CFAP47: variants seen among roughly 807,000 people sequenced by gnomAD.
CFAP47 encodes cilia- and flagella-associated protein 47.
CFAP47 carries 29 observed loss-of-function variants against 148.1 expected under a neutral mutation model. That is an observed-to-expected ratio of 0.20 (90% CI 0.15 to 0.27). CFAP47 has a LOEUF of 0.27. Ranked by LOEUF, CFAP47 falls within the 10% of genes least tolerant of loss-of-function variation. The probability of loss-of-function intolerance (pLI) is 1.00; values close to 1 mark genes in which losing one functional copy is unlikely to be tolerated. For synonymous variants in CFAP47, 664 were observed against 577.3 expected, an observed-to-expected ratio of 1.15 and a Z score of -2.15; for missense variants, 1,872 against 1,697.5, an observed-to-expected ratio of 1.10 and a Z score of -1.81.
Position 36,384,901 on chromosome X carries a change from C to A in CFAP47, c.9459C>A (p.Asp3153Glu). The change falls in exon 64 of 64, where the codon GAC (aspartate) becomes GAA (glutamate). Residue 3153 changes from aspartate (D) to glutamate (E), a missense_variant. Physicochemically the swap from Asp to Glu is conservative, Grantham distance 45. Transcript: ENST00000378653. ...TTGATGCTACTCACAAGACACATGA[C>A]AACATGCCAGTCCGTCCACATAATT... ...AKIDATHKTH[D>E]NMPVRPHNFV... 4 of 1,165,649 alleles carry A rather than the reference C, an allele frequency of 3.4e-6. No individual in the cohort carries two copies.
At chrX:36,177,881 C>T (rs73472852) in intron 39 of CFAP47, among the ~76,000 whole-genome samples, 1,903 of 111,419 alleles carry the variant, frequency 0.017, 48 homozygotes, top group African/African-American at 0.058. Context: ...CACATGCACT[C>T]GTATGTTCAT....
chrX:35,921,083 A>G (rs1251492012), intron 1 of CFAP47, among the ~76,000 whole-genome samples: 2 of 111,760 alleles, frequency 1.8e-5, no homozygotes, highest in African/African-American at 6.5e-5. Flanking sequence ...GTGTGTGTGT[A>G]GATAGATAGC....
intron 33 of CFAP47, among the ~76,000 whole-genome samples, chrX:36,113,097 G>A (rs952513840): frequency 8.9e-6 from 1 of 111,771 alleles, no homozygotes. Context: ...TACATTCAAG[G>A]TTAGTATTGA....
chrX:36,095,970 T>C (rs1194958954), intron 30 of CFAP47, among the ~76,000 whole-genome samples: 1 of 111,365 alleles, frequency 9.0e-6, no homozygotes, highest in Non-Finnish European at 1.9e-5. Flanking sequence ...GATTTTCTTC[T>C]TTTTGAAGTA....
chrX:35,924,202 G>T (rs192181940), intron 1 of CFAP47, among the ~76,000 whole-genome samples: 33 of 102,097 alleles, frequency 3.2e-4, no homozygotes, highest in Middle Eastern at 5.4e-3. Context: ...TGTATATATG[G>T]ACATGTATGT....
At chrX:35,977,413 T>C (rs1449969739) in intron 15 of CFAP47, among the ~76,000 whole-genome samples, 2 of 111,513 alleles carry the variant, frequency 1.8e-5, no homozygotes, top group Non-Finnish European at 3.8e-5. Context: ...ACGAAAATTT[T>C]CTAAATCTGT....
At chrX:36,371,946 G>A (rs185693001) in intron 62 of CFAP47, among the ~76,000 whole-genome samples, 13 of 90,833 alleles carry the variant, frequency 1.4e-4, no homozygotes, top group Non-Finnish European at 2.3e-4. Context: ...ATGTGTATAT[G>A]TGTGTGTATA....
At chrX:36,055,127 A>G (rs1307279859) in intron 26 of CFAP47, among the ~76,000 whole-genome samples, 1 of 108,813 alleles carries the variant, frequency 9.2e-6, no homozygotes, top group African/African-American at 3.3e-5. Context: ...ATTTAACACC[A>G]TGTAGACATG....
At chrX:36,313,332 C>T (rs967967212) in intron 56 of CFAP47, among the ~76,000 whole-genome samples, 31 of 110,138 alleles carry the variant, frequency 2.8e-4, no homozygotes, top group African/African-American at 7.9e-4. Context: ...TGTTACATGA[C>T]GGCAGGGAAG....
chrX:36,371,804 A>ATATGTG (rs1556021777), intron 62 of CFAP47, among the ~76,000 whole-genome samples: 1 of 51,123 alleles, frequency 2.0e-5, no homozygotes, highest in African/African-American at 2.7e-4. Flanking sequence ...ATATACACAC[A>ATATGTG]TGTATATATG....
chrX:36,309,127 T>A (rs1382651360), intron 55 of CFAP47, among the ~76,000 whole-genome samples: 1 of 111,706 alleles, frequency 9.0e-6, no homozygotes, highest in Non-Finnish European at 1.9e-5. Flanking sequence ...TCTGAGATTT[T>A]CTTTCTTGGT....
intron 8 of CFAP47, among the ~76,000 whole-genome samples, chrX:35,962,190 T>C (rs1266329701): frequency 8.9e-6 from 1 of 111,958 alleles, no homozygotes; most frequent in Non-Finnish European, 1.9e-5. Context: ...ACTGCACAGA[T>C]TTCAATCCTT....
chrX:36,279,344 A>C (rs1941053280), intron 49 of CFAP47, among the ~76,000 whole-genome samples: 1 of 112,415 alleles, frequency 8.9e-6, no homozygotes, highest in Non-Finnish European at 1.9e-5. Context: ...AATAGAATTT[A>C]TTAAAAAAAA....
intron 62 of CFAP47, among the ~76,000 whole-genome samples, chrX:36,371,954 A>ATATATACACACATGTGTATATGTGTGTG (rs1569329940): frequency 1.1e-4 from 10 of 94,308 alleles, no homozygotes; most frequent in African/African-American, 4.5e-4. Context: ...ATGTGTGTGT[A>ATATATACACACATGTGTATATGTGTGTG]TATATACACA....
chrX:35,994,699 A>AT (rs1936826138), intron 18 of CFAP47, among the ~76,000 whole-genome samples: 1 of 111,285 alleles, frequency 9.0e-6, no homozygotes, highest in Non-Finnish European at 1.9e-5. Context: ...AATAAAAAAA[A>AT]TGGCCACCAA....
chrX:35,978,068 T>C (rs1379608651), intron 15 of CFAP47, among the ~76,000 whole-genome samples: 1 of 112,393 alleles, frequency 8.9e-6, no homozygotes, highest in Non-Finnish European at 1.9e-5. Context: ...CCTCAATCTA[T>C]TGAAATGCTG....
In CFAP47 at chrX:36,048,438, A is replaced by AT. The variant is rs963477024; in HGVS notation, c.4217+1382dup. ...TTAAAAATATAAGACTGATTTCTTG[A>AT]TTTTTTTGCTTTCTTTTACTTTGTA... On this transcript the variant is annotated intron_variant, in intron 26 of 63. Coordinates refer to ENST00000378653, the MANE Select transcript of CFAP47 (RefSeq NM_001304548.2). Among the ~76,000 whole-genome samples, 3 of 110,886 alleles carry AT rather than the reference A, an allele frequency of 2.7e-5. No homozygotes were observed. The Admixed American group carries it at 2.9e-4, about 11-fold the overall frequency.
chrX:36,080,595 A>C (rs192120389), intron 29 of CFAP47, among the ~76,000 whole-genome samples: 2,913 of 111,781 alleles, frequency 0.026, 92 homozygotes, highest in African/African-American at 0.09. Context: ...GAATACTATG[A>C]AGCCACAAAA....
chrX:36,038,144 G>T (rs1435356425), intron 24 of CFAP47, among the ~76,000 whole-genome samples: 1 of 111,669 alleles, frequency 9.0e-6, no homozygotes, highest in Non-Finnish European at 1.9e-5. Flanking sequence ...TTTGCTTCTA[G>T]CACTAAGTGC....
Sources: gnomAD v4.1 joint callset for allele counts (sites outside exome capture counted in the v4.1 genomes callset) on GRCh38, gnomAD v4.1.1 for gene constraint, MANE v1.5 for transcripts, NCBI Gene and HGNC (gene_info 2026-07-23, HGNC 2026-07-21) for gene names.